The following PDE1C variants were observed in gnomAD, a reference collection of about 807,000 sequenced individuals.
PDE1C encodes phosphodiesterase 1C, also known as dual specificity calcium/calmodulin-dependent 3',5'-cyclic nucleotide phosphodiesterase 1C.
In PDE1C, 62 loss-of-function variants were observed where a neutral mutation model predicts 93.1. The ratio of observed to expected loss-of-function variants is 0.67; its 90% CI spans 0.54 to 0.82. The LOEUF is 0.82. Ranked by LOEUF, PDE1C falls within the 40% of genes least tolerant of loss-of-function variation. The pLI is 0.00. For synonymous variants in PDE1C, 325 were observed against 310.1 expected, an observed-to-expected ratio of 1.05 and a Z score of -0.50; for missense variants, 742 against 884.6, an observed-to-expected ratio of 0.84 and a Z score of 2.04.
At chr7:32,237,614 A>T (rs1283085728) in intron 1 of PDE1C, among the ~76,000 whole-genome samples, 1 of 151,446 alleles carries the variant, frequency 6.6e-6, no homozygotes, top group Non-Finnish European at 1.5e-5. Flanking sequence ...AACTAAAAAT[A>T]GGAGAAAACT....
At chr7:31,928,896 C>T (rs1803779998) in intron 2 of PDE1C, among the ~76,000 whole-genome samples, 1 of 152,128 alleles carries the variant, frequency 6.6e-6, no homozygotes, top group Non-Finnish European at 1.5e-5. Flanking sequence ...AAATGATCAG[C>T]TAGCATCATG....
chr7:31,828,930 G>C (rs1349373718), intron 11 of PDE1C, among the ~76,000 whole-genome samples: 1 of 152,100 alleles, frequency 6.6e-6, no homozygotes, highest in Non-Finnish European at 1.5e-5. Context: ...AATTGCTTGT[G>C]TCTATGAAGT....
At chr7:32,115,325 G>A (rs897847682) in intron 3 of PDE1C, among the ~76,000 whole-genome samples, 21 of 152,120 alleles carry the variant, frequency 1.4e-4, no homozygotes, top group Non-Finnish European at 2.8e-4. Context: ...GCAGGGACAT[G>A]GATGAAGCTG....
intron 3 of PDE1C, among the ~76,000 whole-genome samples, chr7:32,147,328 G>GAAAGAAAA (rs1563353034): frequency 6.3e-5 from 9 of 142,990 alleles, no homozygotes; most frequent in Non-Finnish European, 1.4e-4. Context: ...AAGAAAGAAA[G>GAAAGAAAA]AAAGACGCTG....
At chr7:32,019,171 A>G (rs56239210) in intron 2 of PDE1C, among the ~76,000 whole-genome samples, 17,427 of 149,886 alleles carry the variant, frequency 0.12, 1,086 homozygotes, top group Non-Finnish European at 0.13. Context: ...AAAAAAAAAA[A>G]GCAAACATGA....
chr7:32,360,569 G>T (rs188771903), intron 1 of PDE1C, among the ~76,000 whole-genome samples: 3 of 152,180 alleles, frequency 2.0e-5, no homozygotes, highest in Non-Finnish European at 4.4e-5. Flanking sequence ...GAAACCTGGG[G>T]CCAGCTTCAT....
the PDE1C span, chr7:31,642,893 T>C: frequency 1.2e-6 from 2 of 1,613,884 alleles, no homozygotes; most frequent in Admixed American, 3.3e-5. Context: ...GAGTTTCTGC[T>C]TGAGGCCATG....
At chr7:32,354,381 C>T (rs1783992617) in intron 1 of PDE1C, among the ~76,000 whole-genome samples, 1 of 152,138 alleles carries the variant, frequency 6.6e-6, no homozygotes, top group African/African-American at 2.4e-5. Context: ...AATCTTGGTA[C>T]TTCAGGAAGT....
intron 1 of PDE1C, among the ~76,000 whole-genome samples, chr7:32,384,079 C>T (rs1011611354): frequency 1.5e-4 from 23 of 152,172 alleles, no homozygotes; most frequent in African/African-American, 5.6e-4. Flanking sequence ...CCAAAAAGAG[C>T]CCTCTCATTC....
intron 2 of PDE1C, among the ~76,000 whole-genome samples, chr7:31,972,944 T>C (rs1811157962): frequency 6.6e-6 from 1 of 151,964 alleles, no homozygotes; most frequent in Non-Finnish European, 1.5e-5. Context: ...CCCTCACAGG[T>C]AGCACAAGCA....
the PDE1C span, among the ~76,000 whole-genome samples, chr7:31,711,621 G>C: frequency 7.8e-4 from 118 of 152,174 alleles, 4 homozygotes; most frequent in South Asian, 0.024. Context: ...CTTAATTTTT[G>C]AATGAGTAAG....
At chr7:32,269,691 G>T (rs1194882349) in intron 1 of PDE1C, among the ~76,000 whole-genome samples, 1 of 152,108 alleles carries the variant, frequency 6.6e-6, no homozygotes, top group Non-Finnish European at 1.5e-5. Context: ...TATTAACCAG[G>T]CTGGTCTCAA....
intron 3 of PDE1C, among the ~76,000 whole-genome samples, chr7:32,167,832 T>C (rs772332015): frequency 1.3e-5 from 2 of 152,192 alleles, no homozygotes; most frequent in East Asian, 1.9e-4. Flanking sequence ...TACCACTCAA[T>C]GGTAATGACC....
intron 1 of PDE1C, among the ~76,000 whole-genome samples, chr7:32,338,725 C>T (rs56357343): frequency 0.011 from 1,636 of 152,236 alleles, 12 homozygotes; most frequent in Non-Finnish European, 0.018. Flanking sequence ...AAGAGAAGGC[C>T]GGGCACGGTG....
intron 1 of PDE1C, among the ~76,000 whole-genome samples, chr7:32,408,564 A>G (rs956318145): frequency 6.6e-6 from 1 of 152,140 alleles, no homozygotes; most frequent in African/African-American, 2.4e-5. Context: ...CAAGGCAGGC[A>G]GATCATTTGA....
chr7:31,733,676 T>C, the PDE1C span, among the ~76,000 whole-genome samples: 4 of 152,194 alleles, frequency 2.6e-5, no homozygotes, highest in Admixed American at 2.6e-4. Flanking sequence ...TTTTTGAAGT[T>C]ATTACTAAAA....
chr7:31,761,169 G>T (rs1243907657), intron 17 of PDE1C, among the ~76,000 whole-genome samples: 1 of 152,198 alleles, frequency 6.6e-6, no homozygotes, highest in Non-Finnish European at 1.5e-5. Flanking sequence ...TCACACACAT[G>T]CAATCTGAAT....
the PDE1C span, among the ~76,000 whole-genome samples, chr7:31,729,445 G>A: frequency 3.9e-5 from 6 of 152,314 alleles, no homozygotes; most frequent in South Asian, 6.2e-4. Context: ...AAAGCAAAAC[G>A]TCTTGCATTG....
intron 5 of PDE1C, 114 bp from the exon 6 acceptor site, chr7:31,873,522 C>T: frequency 1.5e-6 from 1 of 674,446 alleles, no homozygotes; most frequent in South Asian, 1.9e-5. Flanking sequence ...CACAGTGTGA[C>T]ACTCAAACAG....
Sources: allele counts gnomAD v4.1 joint callset (sites outside exome capture counted in the v4.1 genomes callset), GRCh38; gene constraint gnomAD v4.1.1; transcripts MANE v1.5; gene names NCBI Gene and HGNC (gene_info 2026-07-23, HGNC 2026-07-21).